The following ADGRB3 variants were observed in gnomAD, a reference collection of about 807,000 sequenced individuals.
ADGRB3 encodes the protein adhesion G protein-coupled receptor B3.
In ADGRB3, 37 loss-of-function variants were observed where a neutral mutation model predicts 193.4. The ratio of observed to expected loss-of-function variants is 0.19; its 90% CI spans 0.15 to 0.25. ADGRB3 has a LOEUF of 0.25. ADGRB3 is among the 10% of genes least tolerant of loss of function. ADGRB3 has a pLI of 1.00. For missense variants in ADGRB3, 1,637 were observed against 1,852.9 expected (o/e 0.88, Z 2.14); for synonymous variants, 690 against 644.2 (o/e 1.07, Z -1.08).
chr6:69,111,173 A>G (rs1253098876), intron 17 of ADGRB3, among the ~76,000 whole-genome samples: 2 of 152,168 alleles, frequency 1.3e-5, no homozygotes, highest in Non-Finnish European at 2.9e-5. Context: ...TAGATTTTGG[A>G]TACAAAGCTT....
intron 3 of ADGRB3, among the ~76,000 whole-genome samples, chr6:68,815,083 A>C (rs1048453526): frequency 1.3e-5 from 2 of 152,170 alleles, no homozygotes; most frequent in African/African-American, 4.8e-5. Flanking sequence ...GACACAAGAC[A>C]GGGATGCCCT....
chr6:68,636,493 C>T (rs1337959800), intron 1 of ADGRB3, among the ~76,000 whole-genome samples: 1 of 151,740 alleles, frequency 6.6e-6, no homozygotes, highest in East Asian at 1.9e-4. Flanking sequence ...ATCCTTGACA[C>T]CTCCGTGGCC....
At chr6:69,025,108 AAT>A (rs1770393671) in intron 13 of ADGRB3, among the ~76,000 whole-genome samples, 1 of 150,840 alleles carries the variant, frequency 6.6e-6, no homozygotes, top group African/African-American at 2.4e-5. Flanking sequence ...AAAAAAAAAA[AAT>A]AAAAAATAAT....
chr6:68,637,209 A>G (rs1767979728), intron 1 of ADGRB3, among the ~76,000 whole-genome samples, 182 bp from the exon 2 acceptor site: 1 of 152,198 alleles, frequency 6.6e-6, no homozygotes, highest in Admixed American at 6.5e-5. Flanking sequence ...AATTTGAATT[A>G]TAATCTGGAA....
chr6:69,119,306 T>C (rs546643983), intron 17 of ADGRB3, among the ~76,000 whole-genome samples: 1 of 152,328 alleles, frequency 6.6e-6, no homozygotes, highest in South Asian at 2.1e-4. Flanking sequence ...TCAGCAAATA[T>C]TTCCTTCTGC....
chr6:69,083,057 A>G (rs1169565380), intron 17 of ADGRB3, among the ~76,000 whole-genome samples: 2 of 152,300 alleles, frequency 1.3e-5, no homozygotes, highest in East Asian at 1.9e-4. Flanking sequence ...TTTTCCACAT[A>G]TAGTTCAGAA....
At chr6:69,291,182 T>C (rs113652628) in intron 20 of ADGRB3, among the ~76,000 whole-genome samples, 1 of 152,292 alleles carries the variant, frequency 6.6e-6, no homozygotes, top group Non-Finnish European at 1.5e-5. Context: ...AATTTAGCCC[T>C]GTATGTGCCC....
chr6:69,352,062 G>A (rs1039685149), intron 26 of ADGRB3, among the ~76,000 whole-genome samples: 5 of 152,056 alleles, frequency 3.3e-5, no homozygotes, highest in African/African-American at 7.2e-5. Flanking sequence ...AAGTTAATAT[G>A]TACCTATTTT....
chr6:68,861,568 A>AT (rs1765157246), intron 3 of ADGRB3, among the ~76,000 whole-genome samples: 2 of 152,134 alleles, frequency 1.3e-5, no homozygotes, highest in East Asian at 1.9e-4. Flanking sequence ...TCTCCAAAAA[A>AT]AAAATAAATA....
chr6:68,776,085 A>G (rs931299761), intron 3 of ADGRB3, among the ~76,000 whole-genome samples: 1 of 152,094 alleles, frequency 6.6e-6, no homozygotes, highest in Non-Finnish European at 1.5e-5. Flanking sequence ...CATGATCCAG[A>G]GACTGTGACA....
intron 3 of ADGRB3, among the ~76,000 whole-genome samples, chr6:68,787,974 T>C (rs1226842098): frequency 6.6e-6 from 1 of 152,206 alleles, no homozygotes; most frequent in African/African-American, 2.4e-5. Context: ...GATGGTAGTT[T>C]GTATTTCTGT....
intron 3 of ADGRB3, among the ~76,000 whole-genome samples, chr6:68,818,881 A>C (rs1380052501): frequency 6.6e-6 from 1 of 152,092 alleles, no homozygotes; most frequent in Non-Finnish European, 1.5e-5. Context: ...TCCCTGAGGA[A>C]AGATCAATTT....
At position 68,879,804 on chromosome 6, in the gene ADGRB3, C is replaced by A. The variant is rs117217194; in HGVS notation, c.758-50755C>A. ...GTTCCAACCAAGGAGGGCAGAGTTA[C>A]TATAAGCCTCATGCCTTGACAGACA... On this transcript the variant is annotated intron_variant, in intron 3 of 31. Transcript: ENST00000370598. Among the ~76,000 whole-genome samples, 390 of 152,274 alleles carry A rather than the reference C, an allele frequency of 2.6e-3. 2 individuals carry two copies. Among genetic ancestry groups the A allele is most frequent in the South Asian group, 0.011 (54 of 4,824 alleles).
At chr6:68,752,707 C>A (rs1267288121) in intron 3 of ADGRB3, among the ~76,000 whole-genome samples, 4 of 152,098 alleles carry the variant, frequency 2.6e-5, no homozygotes, top group Non-Finnish European at 5.9e-5. Flanking sequence ...TCAAGCTGAG[C>A]TGTTGGGGTT....
At chr6:69,100,868 AGGAAGAAG>A (rs762631934) in intron 17 of ADGRB3, among the ~76,000 whole-genome samples, 111 of 24,466 alleles carry the variant, frequency 4.5e-3, no homozygotes, top group South Asian at 0.011. Context: ...GAAGGAAGGA[AGGAAGAAG>A]GAAGGGAGGG....
intron 3 of ADGRB3, among the ~76,000 whole-genome samples, chr6:68,778,406 G>A (rs1250852977): frequency 3.3e-5 from 5 of 152,016 alleles, no homozygotes; most frequent in African/African-American, 4.8e-5. Context: ...GTATTGTCAT[G>A]CCCACTTTCC....
chr6:68,758,989 AT>A (rs1766346591), intron 3 of ADGRB3, among the ~76,000 whole-genome samples: 1 of 152,136 alleles, frequency 6.6e-6, no homozygotes, highest in African/African-American at 2.4e-5. Context: ...GAGCACTTAC[AT>A]TTAGCAGGTG....
intron 17 of ADGRB3, among the ~76,000 whole-genome samples, chr6:69,210,098 A>G (rs1274430223): frequency 7.4e-6 from 1 of 135,136 alleles, no homozygotes; most frequent in Non-Finnish European, 1.6e-5. Flanking sequence ...AATTGAATAT[A>G]TGTATATAGA....
chr6:68,804,753 A>G (rs1344346289), intron 3 of ADGRB3, among the ~76,000 whole-genome samples: 3 of 152,144 alleles, frequency 2.0e-5, no homozygotes, highest in African/African-American at 4.8e-5. Flanking sequence ...TGTGATTACT[A>G]AAACAAAATT....
Sources: allele counts gnomAD v4.1 joint callset (sites outside exome capture counted in the v4.1 genomes callset), GRCh38; gene constraint gnomAD v4.1.1; transcripts MANE v1.5; gene names NCBI Gene and HGNC (gene_info 2026-07-23, HGNC 2026-07-21).